IGF1R: variants seen among roughly 807,000 people sequenced by gnomAD.
The protein encoded by IGF1R is insulin-like growth factor 1 receptor.
IGF1R carries 44 observed loss-of-function variants against 144.6 expected under a neutral mutation model. The observed-to-expected ratio is 0.30, with a 90% CI of 0.24 to 0.39. IGF1R has a LOEUF of 0.39. Among genes scored for constraint, IGF1R ranks in the 10% least tolerant of loss-of-function variants. The pLI is 1.00. For synonymous variants in IGF1R, 795 were observed against 722.8 expected, an observed-to-expected ratio of 1.10 and a Z score of -1.60; for missense variants, 1,355 against 1,833.7, an observed-to-expected ratio of 0.74 and a Z score of 4.77.
chr15:98,695,940 G>A (rs1035090147), intron 1 of IGF1R, among the ~76,000 whole-genome samples: 2 of 150,892 alleles, frequency 1.3e-5, no homozygotes, highest in African/African-American at 5.0e-5. Flanking sequence ...AATGTGTGGA[G>A]GCAGAAACCC....
chr15:98,886,336 C>CT (rs1439741704), intron 2 of IGF1R, among the ~76,000 whole-genome samples: 1 of 152,138 alleles, frequency 6.6e-6, no homozygotes, highest in Admixed American at 6.5e-5. Context: ...AGTGCAGTGC[C>CT]TCGTTTTTAT....
chr15:98,729,759 AGTAG>A lies in IGF1R; in HGVS notation c.640+21655_640+21658del, dbSNP rs556981022. Among the ~76,000 whole-genome samples, 408 of 152,270 alleles carry A rather than the reference AGTAG, an allele frequency of 2.7e-3. 3 individuals are homozygous for A. The highest frequency in any genetic ancestry group is 8.9e-3 in the African/African-American group (369 of 41,556). The stretch of plus-strand genomic sequence containing the variant: ...CTTCATCCTCTTGAAGAGCCCTAAC[AGTAG>A]GTCCTGGCTGGGGTCTGGCATAGAA... On this transcript the variant is annotated intron_variant, in intron 2 of 20. Coordinates refer to ENST00000650285, the MANE Select transcript of IGF1R (RefSeq NM_000875.5).
chr15:98,964,352 T>C lies in IGF1R; in HGVS notation c.*6910T>C, dbSNP rs557179562. Reference sequence around the variant, plus strand: ...AAAAAAATTTCAAAATGTTTTTGTATATTCTGTTGTAAGAATTTATTCCTG... The same window carrying C: ...AAAAAAATTTCAAAATGTTTTTGTACATTCTGTTGTAAGAATTTATTCCTG... On this transcript the variant is annotated 3_prime_UTR_variant, in exon 21 of 21. Coordinates refer to ENST00000650285, the MANE Select transcript of IGF1R (RefSeq NM_000875.5). 8.7e-6 allele frequency: 2 copies of C among 230,940 alleles called. No homozygotes were observed. The highest frequency in any genetic ancestry group is 4.4e-5 in the African/African-American group (2 of 45,352). The allele number at this position is 230,940 out of a possible 1,614,324, so 14.3% of individuals were successfully genotyped here.
intron 2 of IGF1R, among the ~76,000 whole-genome samples, chr15:98,793,401 A>T (rs1962722): frequency 6.6e-6 from 1 of 152,136 alleles, no homozygotes; most frequent in South Asian, 2.1e-4. Flanking sequence ...GCCAGCTTAT[A>T]TGTAATCAGA....
At chr15:98,733,478 G>A (rs2054541083) in intron 2 of IGF1R, among the ~76,000 whole-genome samples, 1 of 139,816 alleles carries the variant, frequency 7.2e-6, no homozygotes, top group South Asian at 2.3e-4. Context: ...CACTGTACCT[G>A]GCTGAGAAGG....
In IGF1R at chr15:98,957,968, T is replaced by C; in HGVS notation, c.*526T>C. On this transcript the variant is annotated 3_prime_UTR_variant, in exon 21 of 21. Transcript: ENST00000650285. ...TTTATCTTTCACCTTTCTAGGGACA[T>C]GAAATTTACAAAGGGCCATCGTTCA... 1 of 236,206 alleles carries C rather than the reference T, an allele frequency of 4.2e-6. No individual in the cohort carries two copies. Among genetic ancestry groups the C allele is most frequent in the Non-Finnish European group, 8.3e-6 (1 of 119,798 alleles). The allele number at this position is 236,206 out of a possible 1,614,324, so 14.6% of individuals were successfully genotyped here. A position where few individuals can be genotyped will look rare whatever the true frequency, so the allele number is the denominator to read the frequency against.
intron 20 of IGF1R, chr15:98,952,748 T>C (rs1458158276): frequency 6.6e-6 from 1 of 152,204 alleles, no homozygotes; most frequent in Non-Finnish European, 1.5e-5. Flanking sequence ...CGCAGGGCAC[T>C]TCCTGTTCTC....
At chr15:98,774,511 G>A (rs974625017) in intron 2 of IGF1R, among the ~76,000 whole-genome samples, 5 of 152,158 alleles carry the variant, frequency 3.3e-5, no homozygotes, top group African/African-American at 4.8e-5. Context: ...ATATTATTCA[G>A]TCCTAAAAAG....
At chr15:98,768,941 A>G (rs1233550755) in intron 2 of IGF1R, among the ~76,000 whole-genome samples, 1 of 151,748 alleles carries the variant, frequency 6.6e-6, no homozygotes, top group Non-Finnish European at 1.5e-5. Context: ...AACAACAACA[A>G]CAACAACAAC....
rs1270035108 is a variant in IGF1R, at chr15:98,920,455, T to C, written c.2202-1693T>C. Among the ~76,000 whole-genome samples the C allele has an allele frequency of 2.0e-5, 3 of 152,192 alleles. No homozygotes were observed. The East Asian group carries it at 5.8e-4, about 29-fold the overall frequency. Reference sequence around the variant, plus strand: ...AGCCGGGAGAGGGGTTTTGACAGAATTATTTTGCGGTACATCAAACCTAAG... The same window carrying C: ...AGCCGGGAGAGGGGTTTTGACAGAACTATTTTGCGGTACATCAAACCTAAG... On this transcript the variant is annotated intron_variant, in intron 10 of 20. Coordinates refer to ENST00000650285, the MANE Select transcript of IGF1R (RefSeq NM_000875.5).
chr15:98,796,348 T>C (rs1202442948), intron 2 of IGF1R, among the ~76,000 whole-genome samples: 1 of 152,304 alleles, frequency 6.6e-6, no homozygotes, highest in Non-Finnish European at 1.5e-5. Context: ...CTTGGAAAGA[T>C]TTCAGCCAAC....
chr15:98,710,376 A>C (rs1377752706), intron 2 of IGF1R, among the ~76,000 whole-genome samples: 20 of 152,288 alleles, frequency 1.3e-4, no homozygotes, highest in African/African-American at 4.8e-5. Context: ...GTTGAATCAG[A>C]ACTTCCTCTT....
At chr15:98,898,741 G>A (rs542970706) in intron 4 of IGF1R, among the ~76,000 whole-genome samples, 1 of 152,244 alleles carries the variant, frequency 6.6e-6, no homozygotes, top group Admixed American at 6.5e-5. Context: ...TATAATTTTA[G>A]CATTAGTTGA....
At chr15:98,908,414 C>T (rs1349260429) in intron 5 of IGF1R, among the ~76,000 whole-genome samples, 1 of 152,240 alleles carries the variant, frequency 6.6e-6, no homozygotes, top group Non-Finnish European at 1.5e-5. Context: ...CTAGTAACAT[C>T]CTCTGGTACA....
intron 1 of IGF1R, among the ~76,000 whole-genome samples, chr15:98,683,501 A>C (rs766160890): frequency 3.2e-4 from 49 of 152,178 alleles, no homozygotes; most frequent in Non-Finnish European, 5.6e-4. Context: ...TTGTGTTACA[A>C]CTTGTTTACA....
intron 5 of IGF1R, among the ~76,000 whole-genome samples, chr15:98,906,156 C>T (rs1296359029): frequency 6.6e-6 from 1 of 152,178 alleles, no homozygotes; most frequent in Non-Finnish European, 1.5e-5. Context: ...AGTGTGCCTG[C>T]CATTCATTTG....
At position 98,948,555 on chromosome 15, in the gene IGF1R, A is replaced by G. The variant is rs573539892; in HGVS notation, c.3588-19A>G. The G allele has an allele frequency of 1.3e-5, 21 of 1,613,332 alleles. No individual in the cohort carries two copies. The East Asian group carries it at 1.8e-4, about 14-fold the overall frequency. ...GTCCATCCCTTTCCAAGCTCCTCACAGTTTTTTTCTCCCTGTAGGTCCTTC... is the reference window on the plus strand; with the variant it reads ...GTCCATCCCTTTCCAAGCTCCTCACGGTTTTTTTCTCCCTGTAGGTCCTTC... On this transcript the variant is annotated intron_variant, in intron 19 of 20. Coordinates refer to ENST00000650285, the MANE Select transcript of IGF1R (RefSeq NM_000875.5).
intron 1 of IGF1R, among the ~76,000 whole-genome samples, chr15:98,687,337 A>G (rs1247202673): frequency 6.6e-6 from 1 of 152,202 alleles, no homozygotes; most frequent in Non-Finnish European, 1.5e-5. Flanking sequence ...GGCCTGGCCT[A>G]GAGAAGATGG....
chr15:98,853,932 C>G (rs988262003), intron 2 of IGF1R, among the ~76,000 whole-genome samples: 3 of 152,234 alleles, frequency 2.0e-5, no homozygotes, highest in African/African-American at 7.2e-5. Flanking sequence ...AGTCCTGCCT[C>G]AAGTTAGGCA....
Sources: gnomAD v4.1 joint callset for allele counts (sites outside exome capture counted in the v4.1 genomes callset) on GRCh38, gnomAD v4.1.1 for gene constraint, MANE v1.5 for transcripts, NCBI Gene and HGNC (gene_info 2026-07-23, HGNC 2026-07-21) for gene names.